Variants in CCND3 observed in about 807,000 individuals in gnomAD.
CCND3 encodes the protein G1/S-specific cyclin-D3.
Under a neutral mutation model 28.7 loss-of-function variants are expected in CCND3, and 9 were observed. That is an observed-to-expected ratio of 0.31 (90% CI 0.19 to 0.55). The LOEUF is 0.55. Ranked by LOEUF, CCND3 falls within the 20% of genes least tolerant of loss-of-function variation. CCND3 has a pLI of 0.93. For synonymous variants in CCND3, 164 were observed against 163.9 expected, an observed-to-expected ratio of 1.00 and a Z score of 0.00; for missense variants, 315 against 385.8, an observed-to-expected ratio of 0.82 and a Z score of 1.54.
chr6:42,011,810 C>T (rs539598687), intron 1 of CCND3, among the ~76,000 whole-genome samples: 35 of 152,216 alleles, frequency 2.3e-4, no homozygotes, highest in Non-Finnish European at 3.7e-4. Context: ...AGGCCACCGA[C>T]GACAGCGCTC....
chr6:42,028,907 A>AGGGTCCCATGCTCAGGAC (rs1263551810), intron 1 of CCND3, among the ~76,000 whole-genome samples: 39 of 151,860 alleles, frequency 2.6e-4, no homozygotes, highest in Admixed American at 8.5e-4. Context: ...GCAGCCACAC[A>AGGGTCCCATGCTCAGGAC]GGGTCCCATG....
chr6:41,995,820 G>A (rs1003664586), intron 1 of CCND3, among the ~76,000 whole-genome samples: 1 of 151,906 alleles, frequency 6.6e-6, no homozygotes, highest in Non-Finnish European at 1.5e-5. Flanking sequence ...TTGGGAGGCC[G>A]AGGCAGGAGG....
At chr6:42,032,420 A>G (rs1225160417) in intron 1 of CCND3, among the ~76,000 whole-genome samples, 1 of 152,206 alleles carries the variant, frequency 6.6e-6, no homozygotes, top group Non-Finnish European at 1.5e-5. Context: ...GAATTATTTA[A>G]TTAGGACAGA....
chr6:41,959,455 T>C lies in CCND3; in HGVS notation c.-45-18870A>G, dbSNP rs570157008. 2.4e-3 allele frequency among the ~76,000 whole-genome samples: 356 copies of C among 148,846 alleles called. 2 individuals are homozygous for C. Among genetic ancestry groups the C allele is most frequent in the African/African-American group, 8.4e-3 (335 of 40,038 alleles). On this transcript the variant is annotated intron_variant, in intron 1 of 4. Transcript: ENST00000372988. ...AGGCCAGCACTTTGGGAGGCCAAGGTGGGCAGATCACAAGGTCAGGAGATT... is the reference window on the plus strand; with the variant it reads ...AGGCCAGCACTTTGGGAGGCCAAGGCGGGCAGATCACAAGGTCAGGAGATT...
chr6:41,935,143 G>A lies in CCND3; in HGVS notation c.*797C>T, dbSNP rs1423245076. 2 of 233,194 alleles carry A rather than the reference G, an allele frequency of 8.6e-6. No homozygotes were observed. The highest frequency in any genetic ancestry group is 1.7e-5 in the Non-Finnish European group (2 of 118,098). The allele number at this position is 233,194 out of a possible 1,614,324, so 14.4% of individuals were successfully genotyped here. A position where few individuals can be genotyped will look rare whatever the true frequency, so the allele number is the denominator to read the frequency against. On this transcript the variant is annotated 3_prime_UTR_variant, in exon 5 of 5. Coordinates refer to ENST00000372991, the MANE Select transcript of CCND3 (RefSeq NM_001760.5). ...GGGGCAGAGGGACAATGGGAGAGGA[G>A]GGCATGACCCCACCCCAGGCTATAG...
chr6:42,017,281 T>C (rs1763551288), intron 1 of CCND3, among the ~76,000 whole-genome samples: 1 of 152,226 alleles, frequency 6.6e-6, no homozygotes, highest in Non-Finnish European at 1.5e-5. Flanking sequence ...CCCCTGGCAC[T>C]TGGGGCCTGG....
At chr6:41,971,341 T>G (rs1010364041) in intron 1 of CCND3, among the ~76,000 whole-genome samples, 2 of 152,128 alleles carry the variant, frequency 1.3e-5, no homozygotes, top group Non-Finnish European at 2.9e-5. Flanking sequence ...TAGACTGGAC[T>G]TGAACTCCTG....
rs1431814537 is a variant in CCND3 at position 42,048,867 on chromosome 6, C to G, written c.-412G>C. On this transcript the variant is annotated 5_prime_UTR_variant, in exon 1 of 5. Coordinates refer to the CCND3 transcript ENST00000372988. This position sits in a 1 kb window ranked among gnomAD's most constrained non-coding sequence, Gnocchi z 4.7. ...TCATCCGGCGCCGCGCACCCCCGCC[C>G]GCAGCCCCCGCCCCACGCGGCATAG... The G allele has an allele frequency of 6.5e-6, 2 of 307,908 alleles. No homozygotes were observed. Among genetic ancestry groups the G allele is most frequent in the East Asian group, 1.4e-4 (1 of 6,904 alleles). The allele number at this position is 307,908 out of a possible 1,614,324, so 19.1% of individuals were successfully genotyped here.
At chr6:41,968,809 T>C (rs1003783573) in intron 1 of CCND3, among the ~76,000 whole-genome samples, 1 of 152,102 alleles carries the variant, frequency 6.6e-6, no homozygotes, top group Non-Finnish European at 1.5e-5. Context: ...TTGTGTTTGT[T>C]TGTTTGTTTG....
At chr6:41,954,250 T>TAAAAAAAAAAAAAAAAAAAAAAAAAAAAA (rs34556754) in intron 1 of CCND3, among the ~76,000 whole-genome samples, 5 of 35,146 alleles carry the variant, frequency 1.4e-4, no homozygotes, top group Admixed American at 3.7e-4. Context: ...GATTCTGCCT[T>TAAAAAAAAAAAAAAAAAAAAAAAAAAAAA]AAAAAAAAAA....
At chr6:42,001,720 G>A (rs182898688) in intron 1 of CCND3, among the ~76,000 whole-genome samples, 246 of 152,214 alleles carry the variant, frequency 1.6e-3, no homozygotes, top group African/African-American at 5.6e-3. Flanking sequence ...CAAAAAAAGC[G>A]GGGCGGGGGG....
At chr6:42,043,721 C>T (rs959803269) in intron 1 of CCND3, among the ~76,000 whole-genome samples, 5 of 152,136 alleles carry the variant, frequency 3.3e-5, no homozygotes, top group African/African-American at 1.2e-4. Flanking sequence ...TGTCCTTGCT[C>T]ATTCTGGGCT....
intron 1 of CCND3, among the ~76,000 whole-genome samples, chr6:42,024,350 C>T (rs1026204151): frequency 6.7e-6 from 1 of 148,314 alleles, no homozygotes; most frequent in African/African-American, 2.5e-5. Flanking sequence ...TTGTAGTGAG[C>T]GGAGATCACG....
chr6:42,042,324 A>C (rs1397435686), intron 1 of CCND3, among the ~76,000 whole-genome samples: 1 of 151,402 alleles, frequency 6.6e-6, no homozygotes, highest in Non-Finnish European at 1.5e-5. Context: ...CTTTGTGTGT[A>C]CTGCCTCATA....
At chr6:42,033,067 C>T (rs923509726) in intron 1 of CCND3, among the ~76,000 whole-genome samples, 11 of 152,098 alleles carry the variant, frequency 7.2e-5, no homozygotes, top group Non-Finnish European at 1.2e-4. Flanking sequence ...ATGACCAGCA[C>T]GTTTTAAAAA....
intron 1 of CCND3, among the ~76,000 whole-genome samples, chr6:41,969,727 T>G (rs1761983385): frequency 6.6e-6 from 1 of 151,974 alleles, no homozygotes; most frequent in South Asian, 2.1e-4. Flanking sequence ...CGAGTGAGAC[T>G]CCATCTCAAA....
chr6:41,979,500 C>G (rs1287769921), intron 1 of CCND3, among the ~76,000 whole-genome samples: 1 of 146,378 alleles, frequency 6.8e-6, no homozygotes, highest in Non-Finnish European at 1.5e-5. Flanking sequence ...TGCCACTGCA[C>G]TCCAGCCTGG....
At chr6:42,003,031 A>T (rs1430579610) in intron 1 of CCND3, among the ~76,000 whole-genome samples, 2 of 150,114 alleles carry the variant, frequency 1.3e-5, no homozygotes, top group Non-Finnish European at 3.0e-5. Context: ...GTGTGGTGGC[A>T]CATGCCTGTA....
At chr6:41,972,018 G>A (rs763605368) in intron 1 of CCND3, among the ~76,000 whole-genome samples, 42 of 149,866 alleles carry the variant, frequency 2.8e-4, no homozygotes, top group Non-Finnish European at 4.2e-4. Context: ...GAGGTCAGGA[G>A]ATCGAGACCA....
Sources: gnomAD v4.1 joint callset for allele counts (sites outside exome capture counted in the v4.1 genomes callset) on GRCh38, gnomAD v4.1.1 for gene constraint, Gnocchi (gnomAD v3.1) non-coding constraint, MANE v1.5 for transcripts, NCBI Gene and HGNC (gene_info 2026-07-23, HGNC 2026-07-21) for gene names.